The following CNBD1 variants were observed in gnomAD, a reference collection of about 807,000 sequenced individuals.
CNBD1 encodes the protein cyclic nucleotide binding domain containing 1, also known as cyclic nucleotide-binding domain-containing protein 1.
Under a neutral mutation model 54.4 loss-of-function variants are expected in CNBD1, and 71 were observed. The observed-to-expected ratio is 1.30, with a 90% CI of 1.08 to 1.59. The LOEUF (loss-of-function observed/expected upper bound fraction) is 1.59, where lower values mean the gene tolerates loss of function less well. Among genes scored for constraint, CNBD1 ranks in the 40% most tolerant of loss-of-function variants. CNBD1 has a pLI of 0.00. For missense variants in CNBD1, 659 were observed against 518.0 expected (o/e 1.27, Z -2.64); for synonymous variants, 182 against 170.7 (o/e 1.07, Z -0.51).
At chr8:87,171,430 GT>G (rs1215983387) in intron 4 of CNBD1, among the ~76,000 whole-genome samples, 1 of 150,386 alleles carries the variant, frequency 6.6e-6, no homozygotes, top group Non-Finnish European at 1.5e-5. Flanking sequence ...CTGGCCAAAG[GT>G]TTGTCCATTT....
intron 8 of CNBD1, among the ~76,000 whole-genome samples, 178 bp downstream of exon 8, chr8:87,286,849 T>C (rs1808709735): frequency 6.6e-6 from 1 of 152,140 alleles, no homozygotes; most frequent in South Asian, 2.1e-4. Context: ...TTAAAAATGA[T>C]ACTGTACTGG....
chr8:87,070,515 A>G (rs988956295), intron 4 of CNBD1, among the ~76,000 whole-genome samples: 4 of 152,160 alleles, frequency 2.6e-5, no homozygotes, highest in South Asian at 2.1e-4. Flanking sequence ...ACTTTTAAAA[A>G]AGACAAGTTC....
intron 2 of CNBD1, among the ~76,000 whole-genome samples, chr8:87,427,796 C>T (rs113143575): frequency 1.3e-5 from 2 of 152,138 alleles, no homozygotes; most frequent in African/African-American, 4.8e-5. Flanking sequence ...AGTGCATTGG[C>T]TGTAGTCCTT....
At chr8:87,050,149 G>A (rs1810282991) in intron 4 of CNBD1, among the ~76,000 whole-genome samples, 1 of 152,130 alleles carries the variant, frequency 6.6e-6, no homozygotes, top group East Asian at 1.9e-4. Flanking sequence ...TGATACAAAG[G>A]GTGAGCAATT....
chr8:86,883,103 C>CAT (rs1312635628), intron 1 of CNBD1, among the ~76,000 whole-genome samples: 1 of 151,868 alleles, frequency 6.6e-6, no homozygotes, highest in Admixed American at 6.6e-5. Flanking sequence ...TGAAATAATG[C>CAT]ATATAACAAA....
chr8:87,077,885 C>T (rs1810908194), intron 4 of CNBD1, among the ~76,000 whole-genome samples: 1 of 152,080 alleles, frequency 6.6e-6, no homozygotes, highest in Non-Finnish European at 1.5e-5. Context: ...CACACGTGTG[C>T]ATGTGTCTTT....
At chr8:86,952,007 C>T (rs1448517713) in intron 4 of CNBD1, among the ~76,000 whole-genome samples, 1 of 152,146 alleles carries the variant, frequency 6.6e-6, no homozygotes, top group Non-Finnish European at 1.5e-5. Flanking sequence ...ACCCTTTGCT[C>T]ACTGAGATAA....
chr8:87,224,213 G>T (rs1388935932), intron 5 of CNBD1, among the ~76,000 whole-genome samples: 1 of 151,468 alleles, frequency 6.6e-6, no homozygotes, highest in Admixed American at 6.6e-5. Flanking sequence ...TCTGATGGTA[G>T]TTTCTTTTGC....
chr8:87,154,061 T>C (rs1812662972), intron 4 of CNBD1, among the ~76,000 whole-genome samples: 3 of 152,096 alleles, frequency 2.0e-5, no homozygotes, highest in Admixed American at 6.5e-5. Flanking sequence ...GTATGACCTG[T>C]TAAATTACAA....
intron 10 of CNBD1, among the ~76,000 whole-genome samples, chr8:87,361,689 A>AATAT (rs71277937): frequency 0.27 from 38,926 of 143,156 alleles, 5,340 homozygotes; most frequent in Middle Eastern, 0.33. Flanking sequence ...TAGTTGGATG[A>AATAT]ATATATATAT....
rs570899151 is a variant in CNBD1, at chr8:87,138,468, G to A, written c.432-67525G>A. Reference sequence around the variant, plus strand: ...AAATTCATTTATGGGTAACTTCTCTGTTTGCAAGCATCACTTCTTACCATC... The same window carrying A: ...AAATTCATTTATGGGTAACTTCTCTATTTGCAAGCATCACTTCTTACCATC... On this transcript the variant is annotated intron_variant, in intron 4 of 10. Coordinates refer to ENST00000518476, the MANE Select transcript of CNBD1 (RefSeq NM_173538.3). Among the ~76,000 whole-genome samples, 8 of 152,300 alleles carry A rather than the reference G, an allele frequency of 5.3e-5. No individual in the cohort carries two copies. In the East Asian group the frequency reaches 1.5e-3, roughly 29 times the overall value.
intron 5 of CNBD1, among the ~76,000 whole-genome samples, chr8:87,230,276 G>T (rs1256831719): frequency 6.6e-6 from 1 of 152,134 alleles, no homozygotes; most frequent in Non-Finnish European, 1.5e-5. Context: ...CAACACTGGG[G>T]ATTACAATTC....
At chr8:87,051,945 G>A (rs1357628280) in intron 4 of CNBD1, among the ~76,000 whole-genome samples, 3 of 152,210 alleles carry the variant, frequency 2.0e-5, no homozygotes, top group Admixed American at 2.0e-4. Flanking sequence ...GACTGGCCTT[G>A]GACTTGGTGA....
At chr8:87,392,118 CTACT>C (rs1811321397) in intron 2 of CNBD1, among the ~76,000 whole-genome samples, 1 of 151,900 alleles carries the variant, frequency 6.6e-6, no homozygotes, top group Admixed American at 6.6e-5. Context: ...GATTTCATAC[CTACT>C]ATTTTGAAAA....
chr8:87,361,873 T>G (rs1810530664), intron 10 of CNBD1, among the ~76,000 whole-genome samples: 1 of 151,952 alleles, frequency 6.6e-6, no homozygotes, highest in South Asian at 2.1e-4. Context: ...TTCCTTGAAT[T>G]CTTGAAAAAG....
chr8:87,294,883 ATTG>A (rs1808852909), intron 8 of CNBD1, among the ~76,000 whole-genome samples: 1 of 152,004 alleles, frequency 6.6e-6, no homozygotes, highest in Non-Finnish European at 1.5e-5. Context: ...TATGTATTTT[ATTG>A]TTTTCTAAAT....
At chr8:87,424,918 T>C (rs962984563) in intron 2 of CNBD1, among the ~76,000 whole-genome samples, 3 of 152,168 alleles carry the variant, frequency 2.0e-5, no homozygotes, top group African/African-American at 4.8e-5. Flanking sequence ...CAGAGTGTTT[T>C]CCAACTTGGT....
At chr8:87,040,186 G>T (rs73281234) in intron 4 of CNBD1, among the ~76,000 whole-genome samples, 4,559 of 152,222 alleles carry the variant, frequency 0.03, 236 homozygotes, top group African/African-American at 0.1. Context: ...AGGAAGGGGG[G>T]TTTTTTGAGA....
chr8:87,385,339 G>A (rs1399242480), downstream of CNBD1, among the ~76,000 whole-genome samples: 2 of 151,852 alleles, frequency 1.3e-5, no homozygotes, highest in East Asian at 3.9e-4. Context: ...CACCCGGGAA[G>A]GGCAGAGTCA....
Sources: gnomAD v4.1 joint callset for allele counts (sites outside exome capture counted in the v4.1 genomes callset) on GRCh38, gnomAD v4.1.1 for gene constraint, MANE v1.5 for transcripts, NCBI Gene and HGNC (gene_info 2026-07-23, HGNC 2026-07-21) for gene names.